SDHA: variants seen among roughly 807,000 people sequenced by gnomAD.
SDHA encodes succinate dehydrogenase complex flavoprotein subunit A.
SDHA carries 48 observed loss-of-function variants against 78.4 expected under a neutral mutation model. The observed-to-expected ratio is 0.61, with a 90% CI of 0.49 to 0.78. The LOEUF (loss-of-function observed/expected upper bound fraction) is 0.78. SDHA is among the 30% of genes least tolerant of loss of function. SDHA has a pLI of 0.00. For synonymous variants in SDHA, 326 were observed against 353.9 expected, an observed-to-expected ratio of 0.92 and a Z score of 0.88; for missense variants, 680 against 892.7, an observed-to-expected ratio of 0.76 and a Z score of 3.04.
At chr5:221,404 T>C (rs575332671) in intron 1 of SDHA, among the ~76,000 whole-genome samples, 1 of 152,348 alleles carries the variant, frequency 6.6e-6, no homozygotes, top group Admixed American at 6.5e-5. Flanking sequence ...CGTGCGTTTT[T>C]AGGTTCTTCG....
At chr5:232,409 C>T (rs543215777) in intron 7 of SDHA, among the ~76,000 whole-genome samples, 7 of 152,068 alleles carry the variant, frequency 4.6e-5, no homozygotes, top group African/African-American at 1.4e-4. Flanking sequence ...TTGGTAGAGA[C>T]GGGATGTCAC....
At chr5:268,181 T>C in the SDHA span, among the ~76,000 whole-genome samples, 1 of 143,236 alleles carries the variant, frequency 7.0e-6, no homozygotes, top group Non-Finnish European at 1.5e-5. Flanking sequence ...CAGGGTGTTT[T>C]TTCTTTCTTT....
At chr5:259,763 AGC>A (rs1281664097), downstream of SDHA, among the ~76,000 whole-genome samples, 2 of 36,136 alleles carry the variant, frequency 5.5e-5, no homozygotes. Context: ...CTCCCGTCCG[AGC>A]ATTACCGTGT....
Position 225,302 on chromosome 5 carries a change from G to A in SDHA, c.313-117G>A, listed in dbSNP as rs902412644. 6 of 1,322,420 alleles carry A rather than the reference G, an allele frequency of 4.5e-6. No individual in the cohort carries two copies. In the Admixed American group the frequency reaches 8.4e-5, roughly 19 times the overall value. The allele number at this position is 1,322,420 out of a possible 1,614,324, so 81.9% of individuals were successfully genotyped here. A position where few individuals can be genotyped will look rare whatever the true frequency, so the allele number is the denominator to read the frequency against. On this transcript the variant is annotated intron_variant, in intron 3 of 14. Coordinates refer to ENST00000264932, the MANE Select transcript of SDHA (RefSeq NM_004168.4). ...CCTCTGCTGAGGTCAGCCCTCACTG[G>A]GAGTCACTGTGTGAGTAGTTGGCTT... is the stretch of plus-strand genomic sequence containing the variant.
chr5:220,967 C>A (rs546298953), intron 1 of SDHA, among the ~76,000 whole-genome samples: 1 of 152,210 alleles, frequency 6.6e-6, no homozygotes, highest in South Asian at 2.1e-4. Flanking sequence ...CACCTGCCAT[C>A]ATGCCCGGCT....
intron 1 of SDHA, among the ~76,000 whole-genome samples, chr5:219,559 C>CT (rs1734595780): frequency 6.6e-6 from 1 of 152,166 alleles, no homozygotes; most frequent in South Asian, 2.1e-4. Context: ...GAGGATTAGT[C>CT]ATACAGCCAT....
At chr5:230,101 CA>C (rs1735297996) in intron 6 of SDHA, among the ~76,000 whole-genome samples, 1 of 151,910 alleles carries the variant, frequency 6.6e-6, no homozygotes. Flanking sequence ...TCTGTATCTC[CA>C]AAAAAAGGAT....
At chr5:259,919 T>A (rs247076), downstream of SDHA, among the ~76,000 whole-genome samples, 84 of 15,770 alleles carry the variant, frequency 5.3e-3, no homozygotes, top group African/African-American at 0.021. Flanking sequence ...CCGCCTCCCG[T>A]CAGAGCATTA....
intron 13 of SDHA, among the ~76,000 whole-genome samples, chr5:253,690 C>T (rs1297717988): frequency 6.6e-6 from 1 of 152,204 alleles, no homozygotes; most frequent in East Asian, 1.9e-4. Flanking sequence ...CCACCTCGGC[C>T]TCCCAAAGTG....
At chr5:251,127 C>T (rs1343135704) in intron 12 of SDHA, 24 bp downstream of exon 12, 6 of 1,603,528 alleles carry the variant, frequency 3.7e-6, no homozygotes, top group Admixed American at 3.3e-5. Context: ...GGGCTCTGTG[C>T]ACACTGTTGG....
intron 10 of SDHA, among the ~76,000 whole-genome samples, chr5:238,754 T>A (rs1579414101): frequency 6.6e-6 from 1 of 151,974 alleles, no homozygotes; most frequent in Non-Finnish European, 1.5e-5. Context: ...AGCTCAGGAG[T>A]TCGAGACCAG....
At chr5:244,832 G>A (rs1358242199) in intron 11 of SDHA, among the ~76,000 whole-genome samples, 2 of 152,186 alleles carry the variant, frequency 1.3e-5, no homozygotes, top group African/African-American at 4.8e-5. Context: ...TTACAACGAT[G>A]GGGAGCACAA....
rs1273358183 is a variant in SDHA, at chr5:256,909, A to G, written c.*489A>G. 6.8e-6 allele frequency among the ~76,000 whole-genome samples: 1 copy of G among 146,590 alleles called. No individual in the cohort carries two copies. The highest frequency in any genetic ancestry group is 1.5e-5 in the Non-Finnish European group (1 of 67,518). ...CTCAAACTCCTGGGCAGCTCAGGTG[A>G]TCTTCCTGACTCAGCCTTCTGAGTA... On this transcript the variant is annotated 3_prime_UTR_variant, in exon 15 of 15. Transcript: ENST00000264932.
intron 7 of SDHA, 127 bp downstream of exon 7, chr5:231,127 C>T: frequency 8.7e-7 from 1 of 1,145,656 alleles, no homozygotes; most frequent in East Asian, 2.5e-5. Context: ...TTCCTCAGCT[C>T]TCAGGTCCTA....
intron 12 of SDHA, 71 bp downstream of exon 12, chr5:251,174 G>C: frequency 6.4e-7 from 1 of 1,558,832 alleles, no homozygotes; most frequent in Non-Finnish European, 8.8e-7. Flanking sequence ...TGTCTGTCCC[G>C]TCAGTGCTGA....
intron 13 of SDHA, among the ~76,000 whole-genome samples, chr5:253,743 A>C (rs1736999878): frequency 6.6e-6 from 1 of 152,106 alleles, no homozygotes; most frequent in South Asian, 2.1e-4. Flanking sequence ...CCAGTGCATA[A>C]ATTTAGTTGG....
chr5:258,877 C>T (rs1164959399), downstream of SDHA, among the ~76,000 whole-genome samples: 2 of 51,098 alleles, frequency 3.9e-5, no homozygotes, highest in East Asian at 3.1e-4. Flanking sequence ...AGAGCCTTGC[C>T]GTGAGCTCCG....
chr5:225,310 T>C lies in SDHA; in HGVS notation c.313-109T>C, dbSNP rs184151131. ...GAGGTCAGCCCTCACTGGGAGTCAC[T>C]GTGTGAGTAGTTGGCTTTCTCTGAA... On this transcript the variant is annotated intron_variant, in intron 3 of 14. Coordinates refer to ENST00000264932, the MANE Select transcript of SDHA (RefSeq NM_004168.4). 125 of 1,415,826 alleles carry C rather than the reference T, an allele frequency of 8.8e-5. No homozygotes were observed. The African/African-American group carries it at 1.3e-3, about 15-fold the overall frequency. 87.7% of individuals were successfully genotyped at this position (1,415,826 alleles called of 1,614,324 possible).
intron 10 of SDHA, among the ~76,000 whole-genome samples, chr5:238,620 T>G (rs896992227): frequency 5.3e-5 from 8 of 152,152 alleles, no homozygotes; most frequent in African/African-American, 1.9e-4. Context: ...TCCTCCTGTC[T>G]CAGCCTCCCG....
Sources: allele counts gnomAD v4.1 joint callset (sites outside exome capture counted in the v4.1 genomes callset), GRCh38; gene constraint gnomAD v4.1.1; transcripts MANE v1.5; gene names NCBI Gene and HGNC (gene_info 2026-07-23, HGNC 2026-07-21).